The following NKAIN2 variants were observed in gnomAD, a reference collection of about 807,000 sequenced individuals.
The protein encoded by NKAIN2 is sodium/potassium-transporting ATPase subunit beta-1-interacting protein 2.
A neutral mutation model predicts 32.6 loss-of-function variants in NKAIN2; 14 were observed. The ratio of observed to expected loss-of-function variants is 0.43; its 90% confidence interval spans 0.28 to 0.67. NKAIN2 has a LOEUF of 0.67. Among genes scored for constraint, NKAIN2 ranks in the 30% least tolerant of loss-of-function variants. The pLI is 0.17. For missense variants in NKAIN2, 198 were observed against 258.3 expected (o/e 0.77, Z 1.60); for synonymous variants, 80 against 87.2 (o/e 0.92, Z 0.46).
chr6:124,148,743 C>A (rs1787555152), intron 1 of NKAIN2, among the ~76,000 whole-genome samples: 1 of 152,076 alleles, frequency 6.6e-6, no homozygotes, highest in South Asian at 2.1e-4. Flanking sequence ...TGAGTTTTCC[C>A]AATTTTTGGC....
intron 1 of NKAIN2, among the ~76,000 whole-genome samples, chr6:124,045,845 A>C (rs1463428942): frequency 6.6e-6 from 1 of 152,030 alleles, no homozygotes; most frequent in African/African-American, 2.4e-5. Flanking sequence ...TTAATAGCTT[A>C]ATAATCTTTT....
chr6:124,557,135 A>G (rs936841123), intron 3 of NKAIN2, among the ~76,000 whole-genome samples: 1 of 152,206 alleles, frequency 6.6e-6, no homozygotes, highest in Non-Finnish European at 1.5e-5. Flanking sequence ...TTTGCATATA[A>G]CATTAACATA....
intron 4 of NKAIN2, among the ~76,000 whole-genome samples, chr6:124,751,990 A>G (rs1052581137): frequency 6.6e-6 from 1 of 152,024 alleles, no homozygotes; most frequent in Non-Finnish European, 1.5e-5. Context: ...TCAAGCAATC[A>G]ACCAACCAAA....
At chr6:124,590,743 C>T (rs190778049) in intron 3 of NKAIN2, among the ~76,000 whole-genome samples, 12 of 152,096 alleles carry the variant, frequency 7.9e-5, no homozygotes, top group Non-Finnish European at 1.3e-4. Flanking sequence ...TTACAGGCTT[C>T]GCAGGGGTTT....
intron 1 of NKAIN2, among the ~76,000 whole-genome samples, chr6:124,006,701 G>A (rs1191526877): frequency 3.3e-5 from 5 of 152,062 alleles, no homozygotes; most frequent in Non-Finnish European, 4.4e-5. Context: ...GCCTCTGATT[G>A]GACCAGGCAG....
At chr6:124,605,102 T>G (rs931237013) in intron 3 of NKAIN2, among the ~76,000 whole-genome samples, 5 of 152,076 alleles carry the variant, frequency 3.3e-5, no homozygotes, top group African/African-American at 1.2e-4. Context: ...CTGTGTGGCT[T>G]TGTAACAATA....
intron 1 of NKAIN2, among the ~76,000 whole-genome samples, chr6:123,859,002 T>G (rs2114973755): frequency 6.6e-6 from 1 of 152,300 alleles, no homozygotes; most frequent in South Asian, 2.1e-4. Context: ...ATTATATATG[T>G]GCATATGTAT....
chr6:124,641,346 G>C (rs1228141290), intron 3 of NKAIN2, among the ~76,000 whole-genome samples: 2 of 152,118 alleles, frequency 1.3e-5, no homozygotes. Flanking sequence ...CAAGAAGGCA[G>C]TCGCGATAAG....
intron 2 of NKAIN2, among the ~76,000 whole-genome samples, chr6:124,350,006 A>G (rs540502359): frequency 6.6e-5 from 10 of 152,188 alleles, no homozygotes; most frequent in Non-Finnish European, 1.5e-4. Flanking sequence ...CAATATCTCA[A>G]AGTTTCTGTC....
intron 1 of NKAIN2, among the ~76,000 whole-genome samples, chr6:124,269,283 G>C (rs1794637159): frequency 6.6e-6 from 1 of 152,076 alleles, no homozygotes; most frequent in African/African-American, 2.4e-5. Context: ...CCGTATCTGT[G>C]TTGAATTCAA....
intron 1 of NKAIN2, among the ~76,000 whole-genome samples, chr6:123,953,527 G>C (rs553116400): frequency 1.3e-5 from 2 of 152,266 alleles, no homozygotes; most frequent in South Asian, 4.2e-4. Context: ...GATGGGCTGG[G>C]TGGACCAGTC....
chr6:123,908,967 G>T (rs968594649), intron 1 of NKAIN2, among the ~76,000 whole-genome samples: 1 of 152,108 alleles, frequency 6.6e-6, no homozygotes, highest in Non-Finnish European at 1.5e-5. Flanking sequence ...TTGTTGTGTT[G>T]CCGAATTATG....
At chr6:124,186,182 A>AAAGGAAGGAAGGAAGGAAAGAAGGAAAG (rs1789725524) in intron 1 of NKAIN2, among the ~76,000 whole-genome samples, 2 of 147,912 alleles carry the variant, frequency 1.4e-5, no homozygotes, top group South Asian at 2.1e-4. Context: ...GGAAAGAAAG[A>AAAGGAAGGAAGGAAGGAAAGAAGGAAAG]AAGGAAGGAA....
At chr6:124,395,516 A>T (rs1324809428) in intron 3 of NKAIN2, among the ~76,000 whole-genome samples, 1 of 152,170 alleles carries the variant, frequency 6.6e-6, no homozygotes, top group Non-Finnish European at 1.5e-5. Context: ...TCCAAAAGAG[A>T]TAAAAGAAAT....
chr6:124,623,633 T>TAAG (rs974588866), intron 3 of NKAIN2, among the ~76,000 whole-genome samples: 31 of 152,312 alleles, frequency 2.0e-4, no homozygotes, highest in African/African-American at 7.0e-4. Context: ...CAAGCTTTGT[T>TAAG]AAGAACATAG....
rs140639294 is a variant in NKAIN2, at chr6:124,372,868, G to C, written c.273+17521G>C. On this transcript the variant is annotated intron_variant, in intron 3 of 6. Transcript: ENST00000368417. ...ACATTCTGGGTTGATCCTCACATTT[G>C]ATTGAACTTAAGCAATGTAAAATAA... is the stretch of plus-strand genomic sequence containing the variant. Among the ~76,000 whole-genome samples the C allele has an allele frequency of 3.0e-4, 46 of 152,242 alleles. No homozygotes were observed. The East Asian group carries it at 7.5e-3, about 25-fold the overall frequency.
chr6:124,109,613 A>G (rs572503367), intron 1 of NKAIN2, among the ~76,000 whole-genome samples: 1 of 152,138 alleles, frequency 6.6e-6, no homozygotes, highest in East Asian at 1.9e-4. Flanking sequence ...TTTTTCTGGC[A>G]CAGTTGCTCT....
intron 1 of NKAIN2, among the ~76,000 whole-genome samples, chr6:124,012,882 A>T (rs1780399877): frequency 7.1e-6 from 1 of 140,440 alleles, no homozygotes; most frequent in Admixed American, 7.0e-5. Context: ...TATAAGGTAT[A>T]TGTTTTGCTT....
intron 3 of NKAIN2, among the ~76,000 whole-genome samples, chr6:124,401,083 A>T (rs1773604616): frequency 1.3e-5 from 2 of 152,194 alleles, no homozygotes. Flanking sequence ...TTACATTTTT[A>T]AAAATATTAC....
Sources: allele counts gnomAD v4.1 joint callset (sites outside exome capture counted in the v4.1 genomes callset), GRCh38; gene constraint gnomAD v4.1.1; transcripts MANE v1.5; gene names NCBI Gene and HGNC (gene_info 2026-07-23, HGNC 2026-07-21).